MS4A15: variants seen among roughly 807,000 people sequenced by gnomAD.
The protein encoded by MS4A15 is membrane-spanning 4-domains subfamily A member 15.
A neutral mutation model predicts 20.6 loss-of-function variants in MS4A15; 22 were observed. That is an observed-to-expected ratio of 1.07 (90% CI 0.76 to 1.52). The LOEUF (loss-of-function observed/expected upper bound fraction) is 1.52. Ranked by LOEUF, MS4A15 falls within the 40% of genes most tolerant of loss-of-function variation. The probability of loss-of-function intolerance (pLI) is 0.00; values close to 1 mark genes in which losing one functional copy is unlikely to be tolerated. For synonymous variants in MS4A15, 129 were observed against 129.3 expected (o/e 1.00, Z 0.02); for missense variants, 312 against 323.0 (o/e 0.97, Z 0.26).
chr11:60,760,356 C>T (rs1853707117), intron 1 of MS4A15, among the ~76,000 whole-genome samples: 1 of 152,226 alleles, frequency 6.6e-6, no homozygotes, highest in Admixed American at 6.5e-5. Flanking sequence ...TTGCCAATGG[C>T]ATTCTCTTTC....
intron 6 of MS4A15, 79 bp downstream of exon 6, chr11:60,774,029 C>T (rs1702076852): frequency 9.0e-7 from 1 of 1,104,988 alleles, no homozygotes; most frequent in African/African-American, 1.6e-5. Flanking sequence ...TGGGAGCGCG[C>T]TCTGCCTCCA....
chr11:60,769,336 A>G (rs1403176127), intron 3 of MS4A15, among the ~76,000 whole-genome samples: 1 of 152,194 alleles, frequency 6.6e-6, no homozygotes, highest in African/African-American at 2.4e-5. Context: ...TCTAGAAAGC[A>G]GGCTCATAGC....
At position 60,773,953 on chromosome 11, in the gene MS4A15, G is replaced by A; in HGVS notation, c.612+3G>A. 2 of 1,610,822 alleles carry A rather than the reference G, an allele frequency of 1.2e-6. No homozygotes were observed. The highest frequency in any genetic ancestry group is 1.1e-5 in the South Asian group (1 of 91,004). On this transcript the variant is annotated splice_donor_region_variant and intron_variant, in intron 6 of 6. Transcript: ENST00000405633. ...CCATCCATGCCCAGGCCAGTGCAGT[G>A]AGTACCCCCACCCCCACCCCCACGT...
Position 60,775,608 on chromosome 11 carries a change from G to C in MS4A15, c.616G>C (p.Val206Leu), listed in dbSNP as rs757231146. 1.2e-6 allele frequency: 2 copies of C among 1,613,734 alleles called. No homozygotes were observed. Among genetic ancestry groups the C allele is most frequent in the South Asian group, 2.2e-5 (2 of 91,074 alleles). Residue 206 changes from valine to leucine, a missense_variant, in exon 7 of 7, where the codon GTG becomes CTG. Coordinates refer to ENST00000405633, the MANE Select transcript of MS4A15 (RefSeq NM_001098835.2). The stretch of plus-strand genomic sequence containing the variant: ...CTCAGTGCTGTTTTCTTTGCAGCCT[G>C]TGATCTTCCTGCCAAACGCCTTCAG... Reference protein sequence around the residue: ...QAIHAQASAPVIFLPNAFSAD... With the variant: ...QAIHAQASAPLIFLPNAFSAD...
intron 2 of MS4A15, among the ~76,000 whole-genome samples, chr11:60,764,481 C>T (rs1237551587): frequency 6.6e-6 from 1 of 152,138 alleles, no homozygotes; most frequent in East Asian, 1.9e-4. Flanking sequence ...GAGCTGAAGG[C>T]ACATGAAGGA....
At chr11:60,761,729 TA>T (rs1413246774) in intron 1 of MS4A15, among the ~76,000 whole-genome samples, 1 of 152,192 alleles carries the variant, frequency 6.6e-6, no homozygotes, top group Non-Finnish European at 1.5e-5. Context: ...ACATGATGAG[TA>T]TATTACTAGC....
In MS4A15 at chr11:60,775,795, C is replaced by G. The variant is rs1483979422; in HGVS notation, c.*80C>G. On this transcript the variant is annotated 3_prime_UTR_variant, in exon 7 of 7. Transcript: ENST00000405633. ...CTCTCCCCACCCCCACCTTGTTCAT[C>G]AGGGGCCAGCCCCATCCCAGCTGCC... 1 of 1,156,994 alleles carries G rather than the reference C, an allele frequency of 8.6e-7. No homozygotes were observed. Among genetic ancestry groups the G allele is most frequent in the African/African-American group, 1.5e-5 (1 of 65,156 alleles). 71.7% of individuals were successfully genotyped at this position (1,156,994 alleles called of 1,614,324 possible). A position where few individuals can be genotyped will look rare whatever the true frequency, so the allele number is the denominator to read the frequency against.
intron 1 of MS4A15, among the ~76,000 whole-genome samples, chr11:60,762,094 C>A (rs1853759080): frequency 6.6e-6 from 1 of 152,200 alleles, no homozygotes; most frequent in South Asian, 2.1e-4. Flanking sequence ...CTTTTTTAGT[C>A]TCAGCTATTA....
intron 3 of MS4A15, among the ~76,000 whole-genome samples, chr11:60,770,240 C>T (rs1259879129): frequency 6.6e-6 from 1 of 152,222 alleles, no homozygotes; most frequent in Admixed American, 6.5e-5. Flanking sequence ...GACTTCATCA[C>T]AGCTCTTAGC....
chr11:60,765,191 A>G (rs893707994), intron 2 of MS4A15, among the ~76,000 whole-genome samples: 5 of 152,154 alleles, frequency 3.3e-5, no homozygotes, highest in African/African-American at 1.2e-4. Context: ...GTTTGTCATT[A>G]GCTGAAACCC....
At chr11:60,767,045 TAGAA>T (rs1172889176) in intron 2 of MS4A15, among the ~76,000 whole-genome samples, 4 of 152,114 alleles carry the variant, frequency 2.6e-5, no homozygotes, top group Admixed American at 6.5e-5. Context: ...AACCAACTCT[TAGAA>T]AGAGAAAAAA....
intron 1 of MS4A15, among the ~76,000 whole-genome samples, chr11:60,759,646 A>C (rs532548002): frequency 7.2e-5 from 11 of 152,062 alleles, no homozygotes; most frequent in African/African-American, 2.7e-4. Flanking sequence ...TGTAAAGCCG[A>C]CTATTCGTTC....
Position 60,775,481 on chromosome 11 carries a change from G to C in MS4A15, c.613-124G>C, listed in dbSNP as rs1854168027. 9.6e-6 allele frequency: 7 copies of C among 728,286 alleles called. No individual in the cohort carries two copies. The South Asian group carries it at 1.2e-4, about 13-fold the overall frequency. 45.1% of individuals were successfully genotyped at this position (728,286 alleles called of 1,614,324 possible). On this transcript the variant is annotated intron_variant, in intron 6 of 6. Transcript: ENST00000405633. ...GTTGCACGGAGAGCCCTGAGCATGC[G>C]ATTCAGACTTGCGGAATTCAGTACC...
At chr11:60,767,383 A>G in intron 2 of MS4A15, 150 bp from the exon 3 acceptor site, 1 of 997,312 alleles carries the variant, frequency 1.0e-6, no homozygotes. Context: ...TGGTTTCTGT[A>G]ATAATATCGC....
Position 60,775,886 on chromosome 11 carries a change from C to A in MS4A15, c.*171C>A. ...AGTGTCCCCAGGGACATCTCTCCCA[C>A]ACTTTCCCCAGTGCTTTCTTTCTAA... On this transcript the variant is annotated 3_prime_UTR_variant, in exon 7 of 7. Coordinates refer to ENST00000405633, the MANE Select transcript of MS4A15 (RefSeq NM_001098835.2). 3.6e-6 allele frequency: 2 copies of A among 556,662 alleles called. No individual in the cohort carries two copies. Among genetic ancestry groups the A allele is most frequent in the South Asian group, 5.3e-5 (2 of 38,048 alleles). The allele number at this position is 556,662 out of a possible 1,614,324, so 34.5% of individuals were successfully genotyped here. A position where few individuals can be genotyped will look rare whatever the true frequency, so the allele number is the denominator to read the frequency against.
chr11:60,765,467 A>C (rs1853861345), intron 2 of MS4A15, among the ~76,000 whole-genome samples: 1 of 152,104 alleles, frequency 6.6e-6, no homozygotes, highest in South Asian at 2.1e-4. Context: ...AGCATCTCTG[A>C]GAGGTGCACG....
At position 60,767,528 on chromosome 11, in the gene MS4A15, C is replaced by G. The variant is rs533408827; in HGVS notation, c.226-5C>G. 47 of 1,519,132 alleles carry G rather than the reference C, an allele frequency of 3.1e-5. No homozygotes were observed. In the East Asian group the frequency reaches 1.1e-3, roughly 37 times the overall value. 94.1% of individuals were successfully genotyped at this position (1,519,132 alleles called of 1,614,324 possible). A position where few individuals can be genotyped will look rare whatever the true frequency, so the allele number is the denominator to read the frequency against. On this transcript the variant is annotated splice_region_variant and splice_polypyrimidine_tract_variant and intron_variant, in intron 2 of 6. Transcript: ENST00000405633. ...CGCGGCACTGAGCCTCGGGGCTTCC[C>G]GCAGACGGTGCAGATCCTCATCGGC...
intron 6 of MS4A15, among the ~76,000 whole-genome samples, chr11:60,775,195 T>G (rs1389671184): frequency 1.3e-5 from 2 of 151,936 alleles, no homozygotes; most frequent in Admixed American, 1.3e-4. Flanking sequence ...CAGGCGCCTA[T>G]AATCCCAGCT....
chr11:60,760,836 C>T (rs1026953173), intron 1 of MS4A15, among the ~76,000 whole-genome samples: 1 of 152,194 alleles, frequency 6.6e-6, no homozygotes, highest in Non-Finnish European at 1.5e-5. Flanking sequence ...ACGGTGATGA[C>T]TCAGAAGGCA....
Sources: gnomAD v4.1 joint callset for allele counts (sites outside exome capture counted in the v4.1 genomes callset) on GRCh38, gnomAD v4.1.1 for gene constraint, MANE v1.5 for transcripts, NCBI Gene and HGNC (gene_info 2026-07-23, HGNC 2026-07-21) for gene names.